ADAMTSL3: variants seen among roughly 807,000 people sequenced by gnomAD.
The protein encoded by ADAMTSL3 is ADAMTS-like protein 3.
ADAMTSL3 carries 128 observed loss-of-function variants against 201.7 expected under a neutral mutation model. The ratio of observed to expected loss-of-function variants is 0.63; its 90% confidence interval spans 0.55 to 0.73. The LOEUF (loss-of-function observed/expected upper bound fraction) is 0.73. Among genes scored for constraint, ADAMTSL3 ranks in the 30% least tolerant of loss-of-function variants. ADAMTSL3 has a pLI of 0.00. For missense variants in ADAMTSL3, 1,990 were observed against 2,119.6 expected (o/e 0.94, Z 1.20); for synonymous variants, 738 against 748.4 (o/e 0.99, Z 0.23).
At chr15:83,835,091 G>A (rs973659141) in intron 6 of ADAMTSL3, among the ~76,000 whole-genome samples, 9 of 152,114 alleles carry the variant, frequency 5.9e-5, no homozygotes, top group South Asian at 2.1e-4. Flanking sequence ...AAAATTAGCC[G>A]GGCATGGTGG....
At chr15:83,823,162 G>A (rs1217045775) in intron 6 of ADAMTSL3, among the ~76,000 whole-genome samples, 2 of 141,914 alleles carry the variant, frequency 1.4e-5, no homozygotes, top group Non-Finnish European at 3.0e-5. Flanking sequence ...TCCAGCTTTG[G>A]CTTGGCATCA....
At chr15:83,964,166 A>G (rs901228910) in intron 19 of ADAMTSL3, among the ~76,000 whole-genome samples, 1 of 152,216 alleles carries the variant, frequency 6.6e-6, no homozygotes, top group Non-Finnish European at 1.5e-5. Context: ...AACTGGACAG[A>G]GAAGGAATTT....
In ADAMTSL3 at chr15:83,838,105, G is replaced by C. The variant is rs372374918; in HGVS notation, c.617G>C (p.Arg206Pro). Residue 206 changes from arginine (R) to proline (P), a missense_variant, in exon 7 of 30, where the codon CGG becomes CCG. Arg to Pro is a moderately radical substitution (Grantham distance 103, BLOSUM62 -2). Transcript: ENST00000286744. ...TGTTGGCAGGCAGTGGGCTGCGATC[G>C]GCAACTGGGAAGCAATGCCAAGGAG... ...SGICQAVGCD[R>P]QLGSNAKEDN... 17 of 1,609,572 alleles carry C rather than the reference G, an allele frequency of 1.1e-5. No individual in the cohort carries two copies. The highest frequency in any genetic ancestry group is 2.7e-5 in the African/African-American group (2 of 74,594).
chr15:83,858,197 A>AG (rs1434209495), intron 7 of ADAMTSL3, among the ~76,000 whole-genome samples: 2 of 152,234 alleles, frequency 1.3e-5, no homozygotes, highest in Non-Finnish European at 2.9e-5. Context: ...GATTTGGCCC[A>AG]GGGGCCACAG....
intron 3 of ADAMTSL3, among the ~76,000 whole-genome samples, chr15:83,767,840 T>C (rs1477191595): frequency 6.6e-6 from 1 of 152,240 alleles, no homozygotes; most frequent in East Asian, 1.9e-4. Context: ...GTTGGCTGCT[T>C]ACTTGGCATT....
intron 26 of ADAMTSL3, among the ~76,000 whole-genome samples, chr15:84,023,193 A>G (rs1238012511): frequency 2.0e-5 from 3 of 152,246 alleles, no homozygotes; most frequent in East Asian, 1.9e-4. Flanking sequence ...TATGAAATCA[A>G]TGAATGAATG....
At chr15:84,028,039 G>C (rs1181649792) in intron 27 of ADAMTSL3, among the ~76,000 whole-genome samples, 2 of 152,168 alleles carry the variant, frequency 1.3e-5, no homozygotes, top group African/African-American at 4.8e-5. Flanking sequence ...TCCAGAACAG[G>C]GAAATTTGTA....
At chr15:83,838,016 A>T (rs369236556) in intron 6 of ADAMTSL3, 73 bp from the exon 7 acceptor site, 1 of 1,551,714 alleles carries the variant, frequency 6.4e-7, no homozygotes, top group South Asian at 1.2e-5. Context: ...ATCACAACTA[A>T]GCTTCCTGAA....
intron 11 of ADAMTSL3, 30 bp from the exon 12 acceptor site, chr15:83,891,299 A>G: frequency 1.3e-6 from 2 of 1,536,026 alleles, no homozygotes; most frequent in Non-Finnish European, 1.8e-6. Context: ...TATTATAGAA[A>G]TGATATTCTC....
intron 17 of ADAMTSL3, among the ~76,000 whole-genome samples, chr15:83,938,087 A>G (rs1050895895): frequency 4.0e-5 from 6 of 151,304 alleles, no homozygotes; most frequent in African/African-American, 1.5e-4. Flanking sequence ...ATGGAAATCA[A>G]TAATAGTTTC....
intron 6 of ADAMTSL3, among the ~76,000 whole-genome samples, chr15:83,821,937 T>C (rs2063876920): frequency 7.5e-6 from 1 of 132,458 alleles, no homozygotes; most frequent in African/African-American, 2.9e-5. Flanking sequence ...CACTTCCCAG[T>C]AGGGGCGGCC....
At chr15:83,909,907 C>T (rs1345403504) in intron 15 of ADAMTSL3, among the ~76,000 whole-genome samples, 2 of 151,970 alleles carry the variant, frequency 1.3e-5, no homozygotes, top group African/African-American at 2.4e-5. Flanking sequence ...TGAGCCACCA[C>T]GCCCGCTGAT....
At chr15:84,025,708 A>G (rs2068293532) in intron 27 of ADAMTSL3, among the ~76,000 whole-genome samples, 1 of 152,236 alleles carries the variant, frequency 6.6e-6, no homozygotes. Flanking sequence ...GGCAGTAAGA[A>G]TAAAAGTAGC....
rs1486883326 is a variant in ADAMTSL3 at position 83,982,636 on chromosome 15, T to A, written c.3008T>A (p.Ile1003Asn). Residue 1003 changes from isoleucine to asparagine, a missense_variant, in exon 21 of 30, where the codon ATC becomes AAC. Coordinates refer to ENST00000286744, the MANE Select transcript of ADAMTSL3 (RefSeq NM_207517.3). ...CTCATTGGTACTGACAACCGGCTCATCGCACGCCCAGCCCTCAGGGAGCCT... is the reference window on the plus strand; with the variant it reads ...CTCATTGGTACTGACAACCGGCTCAACGCACGCCCAGCCCTCAGGGAGCCT... ...LKLIGTDNRL[I>N]ARPALREPMR... 6.2e-7 allele frequency: 1 copy of A among 1,614,158 alleles called. No homozygotes were observed. The highest frequency in any genetic ancestry group is 1.7e-5 in the Admixed American group (1 of 60,028).
At chr15:83,716,625 T>C (rs2062023504) in intron 3 of ADAMTSL3, among the ~76,000 whole-genome samples, 1 of 150,352 alleles carries the variant, frequency 6.7e-6, no homozygotes, top group East Asian at 1.9e-4. Context: ...TGTGTGTGTG[T>C]TGTGTGTGTG....
At chr15:83,912,807 A>G (rs1253940104) in intron 15 of ADAMTSL3, among the ~76,000 whole-genome samples, 1 of 152,248 alleles carries the variant, frequency 6.6e-6, no homozygotes, top group African/African-American at 2.4e-5. Context: ...AATCTTAAAG[A>G]AAACCTTTAT....
intron 17 of ADAMTSL3, among the ~76,000 whole-genome samples, chr15:83,932,615 T>A (rs2066381717): frequency 6.6e-6 from 1 of 152,150 alleles, no homozygotes; most frequent in African/African-American, 2.4e-5. Flanking sequence ...TCAGAAAGGC[T>A]CCCCTGAGAA....
chr15:83,726,278 C>T (rs558640434), intron 3 of ADAMTSL3, among the ~76,000 whole-genome samples: 4 of 152,106 alleles, frequency 2.6e-5, no homozygotes, highest in African/African-American at 7.2e-5. Flanking sequence ...TTTGTCAGTT[C>T]TAATAGTTTT....
At position 84,039,832 on chromosome 15, in the gene ADAMTSL3, A is replaced by T. The variant is rs1053326986; in HGVS notation, c.*2026A>T. On this transcript the variant is annotated 3_prime_UTR_variant, in exon 30 of 30. Transcript: ENST00000286744. ...AAATTTACTTTGATTATTCAGTGGCATCCTTATAAATGTAGGCAGCTTATG... is the reference window on the plus strand; with the variant it reads ...AAATTTACTTTGATTATTCAGTGGCTTCCTTATAAATGTAGGCAGCTTATG... 1 of 152,628 alleles carries T rather than the reference A, an allele frequency of 6.6e-6. No homozygotes were observed. The highest frequency in any genetic ancestry group is 1.5e-5 in the Non-Finnish European group (1 of 68,042). The allele number at this position is 152,628 out of a possible 1,614,324, so 9.5% of individuals were successfully genotyped here.
Sources: allele counts gnomAD v4.1 joint callset (sites outside exome capture counted in the v4.1 genomes callset), GRCh38; gene constraint gnomAD v4.1.1; transcripts MANE v1.5; gene names NCBI Gene and HGNC (gene_info 2026-07-23, HGNC 2026-07-21).